Variants in TSHR observed in about 807,000 individuals in gnomAD.
TSHR encodes the protein thyroid stimulating hormone receptor, also known as thyrotropin receptor.
A neutral mutation model predicts 64.1 loss-of-function variants in TSHR; 51 were observed. The ratio of observed to expected loss-of-function variants is 0.80; its 90% confidence interval spans 0.64 to 1.01. TSHR has a LOEUF of 1.01. Among genes scored for constraint, TSHR ranks in the 50% least tolerant of loss-of-function variants. TSHR has a pLI of 0.00. For missense variants in TSHR, 877 were observed against 942.8 expected, an observed-to-expected ratio of 0.93 and a Z score of 0.91; for synonymous variants, 361 against 361.9, an observed-to-expected ratio of 1.00 and a Z score of 0.03.
Position 81,056,253 on chromosome 14 carries a change from A to C in TSHR, c.171-5895A>C, listed in dbSNP as rs181610114. 8.8e-4 allele frequency among the ~76,000 whole-genome samples: 134 copies of C among 152,284 alleles called. 1 individual carries two copies. The highest frequency in any genetic ancestry group is 3.2e-3 in the African/African-American group (133 of 41,572). ...CTTAGCCACATGGTACTGTAAGTCC[A>C]TTAAACCTCTTTTTCTTCGCAGTCT... is the stretch of plus-strand genomic sequence containing the variant. On this transcript the variant is annotated intron_variant, in intron 1 of 9. Coordinates refer to ENST00000298171, the MANE Select transcript of TSHR (RefSeq NM_000369.5).
In TSHR at chr14:81,077,792, A is replaced by G. The variant is rs114971435; in HGVS notation, c.317+9464A>G. Among the ~76,000 whole-genome samples the G allele has an allele frequency of 7.1e-3, 1,073 of 151,800 alleles. 15 individuals are homozygous for G. Among genetic ancestry groups the G allele is most frequent in the African/African-American group, 0.025 (1,014 of 41,380 alleles). On this transcript the variant is annotated intron_variant, in intron 3 of 9. Transcript: ENST00000298171. ...TCCTTGTCTTCTTTTGGATTAATCT[A>G]GTTGTTTTTGCTTTTGTTTATTAGT...
chr14:81,094,209 T>C (rs144229519), intron 6 of TSHR: 81 of 152,360 alleles, frequency 5.3e-4, no homozygotes, highest in African/African-American at 1.8e-3. Flanking sequence ...ACAACCGACT[T>C]TGTACCTGTA....
At chr14:81,028,957 G>A (rs1489452917) in intron 1 of TSHR, among the ~76,000 whole-genome samples, 1 of 151,520 alleles carries the variant, frequency 6.6e-6, no homozygotes, top group Non-Finnish European at 1.5e-5. Flanking sequence ...TAAAAAAGGA[G>A]TCTATTATCA....
chr14:81,068,215 C>T (rs1566791129), intron 2 of TSHR, 39 bp from the exon 3 acceptor site: 2 of 1,596,056 alleles, frequency 1.3e-6, no homozygotes, highest in South Asian at 2.2e-5. Context: ...TACAACCTTA[C>T]TAACTTTCTA....
chr14:81,027,540 T>C (rs1382830998), intron 1 of TSHR, among the ~76,000 whole-genome samples: 2 of 152,208 alleles, frequency 1.3e-5, no homozygotes, highest in Admixed American at 6.5e-5. Flanking sequence ...CATTCAGTGC[T>C]AGGAATAATG....
chr14:80,962,790 C>T lies in TSHR; in HGVS notation c.170+6940C>T, dbSNP rs753224689. On this transcript the variant is annotated intron_variant, in intron 1 of 9. Transcript: ENST00000298171. ...GGAAGTTCATAGAAGCTCTTCCATACGGGACAGAATTTACAATCCGTAGAC... is the reference window on the plus strand; with the variant it reads ...GGAAGTTCATAGAAGCTCTTCCATATGGGACAGAATTTACAATCCGTAGAC... Among the ~76,000 whole-genome samples the T allele has an allele frequency of 3.4e-4, 52 of 152,276 alleles. 1 individual carries two copies. The highest frequency in any genetic ancestry group is 1.1e-3 in the African/African-American group (46 of 41,546).
In TSHR at chr14:81,145,480, T is replaced by G. The variant is rs1032000339; in HGVS notation, c.*1127T>G. ...ACTCGCCTGGATCTGAATCATTCAT[T>G]TAATTACTAGATCTACCCAGCTGTT... On this transcript the variant is annotated 3_prime_UTR_variant, in exon 10 of 10. Transcript: ENST00000298171. The G allele has an allele frequency of 1.4e-5, 3 of 217,696 alleles. No individual in the cohort carries two copies. The highest frequency in any genetic ancestry group is 1.3e-4 in the Admixed American group (2 of 15,482). The allele number at this position is 217,696 out of a possible 1,614,324, so 13.5% of individuals were successfully genotyped here.
intron 1 of TSHR, among the ~76,000 whole-genome samples, chr14:80,990,368 A>G (rs1888666377): frequency 6.6e-6 from 1 of 152,170 alleles, no homozygotes; most frequent in Non-Finnish European, 1.5e-5. Context: ...ATATCGTCTC[A>G]TATCTTTTTT....
intron 8 of TSHR, among the ~76,000 whole-genome samples, chr14:81,118,827 G>C (rs1445748395): frequency 2.0e-5 from 3 of 150,936 alleles, no homozygotes; most frequent in African/African-American, 7.4e-5. Flanking sequence ...TACCAAAACA[G>C]AGATATAGAT....
chr14:81,094,914 A>G (rs927978526), intron 6 of TSHR, among the ~76,000 whole-genome samples: 3 of 151,938 alleles, frequency 2.0e-5, no homozygotes, highest in African/African-American at 7.3e-5. Flanking sequence ...CATTACATTT[A>G]TGTACTAATT....
At chr14:81,033,932 CAAAAT>C (rs1352542594) in intron 1 of TSHR, among the ~76,000 whole-genome samples, 1 of 152,030 alleles carries the variant, frequency 6.6e-6, no homozygotes, top group Non-Finnish European at 1.5e-5. Flanking sequence ...TCCAGTTATG[CAAAAT>C]AAAGGTTGTG....
rs1294288909 is a variant in TSHR, at chr14:80,995,900, A to G, written c.170+40050A>G. Among the ~76,000 whole-genome samples, 6 of 151,824 alleles carry G rather than the reference A, an allele frequency of 4.0e-5. No individual in the cohort carries two copies. In the East Asian group the frequency reaches 7.8e-4, roughly 20 times the overall value. ...TCTTGCTACAAAAGAAAAAAACAGTAGGCTATTGGTAGTTAAGTTTTGGGG... is the reference window on the plus strand; with the variant it reads ...TCTTGCTACAAAAGAAAAAAACAGTGGGCTATTGGTAGTTAAGTTTTGGGG... On this transcript the variant is annotated intron_variant, in intron 1 of 9. Transcript: ENST00000298171.
chr14:81,129,588 G>A (rs899869020), intron 8 of TSHR, among the ~76,000 whole-genome samples: 6 of 152,286 alleles, frequency 3.9e-5, no homozygotes, highest in African/African-American at 1.4e-4. Context: ...CTCCCAGTCT[G>A]TTGGATGACC....
intron 9 of TSHR, among the ~76,000 whole-genome samples, chr14:81,140,712 C>A (rs1467824756): frequency 1.3e-5 from 2 of 152,188 alleles, no homozygotes; most frequent in Non-Finnish European, 2.9e-5. Context: ...CATCTCTATT[C>A]AGTCCTCCTC....
At chr14:81,117,554 C>CA (rs377164019) in intron 8 of TSHR, among the ~76,000 whole-genome samples, 1 of 126,690 alleles carries the variant, frequency 7.9e-6, no homozygotes. Context: ...GCTTACCAAC[C>CA]AAAGAGTCCA....
intron 1 of TSHR, among the ~76,000 whole-genome samples, chr14:81,044,673 A>AAAC (rs1555373983): frequency 7.3e-6 from 1 of 137,480 alleles, no homozygotes; most frequent in Non-Finnish European, 1.6e-5. Context: ...AAAAAAAAAA[A>AAAC]ACACACACAC....
At chr14:81,041,952 C>A (rs1336487589) in intron 1 of TSHR, among the ~76,000 whole-genome samples, 2 of 152,002 alleles carry the variant, frequency 1.3e-5, no homozygotes, top group Admixed American at 1.3e-4. Context: ...ATATTCCAAC[C>A]CTTAAATGAT....
At chr14:81,047,207 C>A (rs1885204711) in intron 1 of TSHR, among the ~76,000 whole-genome samples, 1 of 152,096 alleles carries the variant, frequency 6.6e-6, no homozygotes, top group Non-Finnish European at 1.5e-5. Context: ...AAAATTAATG[C>A]AGGAGTGTTG....
At chr14:81,068,139 GTACATGTT>G in intron 2 of TSHR, 107 bp from the exon 3 acceptor site, 1 of 942,658 alleles carries the variant, frequency 1.1e-6, no homozygotes, top group Non-Finnish European at 1.7e-6. Context: ...CATGAGGGTT[GTACATGTT>G]GCATGATCTG....
Sources: allele counts gnomAD v4.1 joint callset (sites outside exome capture counted in the v4.1 genomes callset), GRCh38; gene constraint gnomAD v4.1.1; transcripts MANE v1.5; gene names NCBI Gene and HGNC (gene_info 2026-07-23, HGNC 2026-07-21).